The following TECRL variants were observed in gnomAD, a reference collection of about 807,000 sequenced individuals.
TECRL encodes trans-2,3-enoyl-CoA reductase like.
Under a neutral mutation model 52.8 loss-of-function variants are expected in TECRL, and 63 were observed. The ratio of observed to expected loss-of-function variants is 1.19; its 90% confidence interval spans 0.97 to 1.47. The LOEUF is 1.47. TECRL is among the 40% of genes most tolerant of loss of function. The probability of loss-of-function intolerance (pLI) is 0.00; values close to 1 mark genes in which losing one functional copy is unlikely to be tolerated. For missense variants in TECRL, 482 were observed against 429.6 expected, an observed-to-expected ratio of 1.12 and a Z score of -1.08; for synonymous variants, 164 against 141.9, an observed-to-expected ratio of 1.16 and a Z score of -1.10.
At chr4:64,307,411 G>A (rs1476443312) in intron 6 of TECRL, among the ~76,000 whole-genome samples, 1 of 152,072 alleles carries the variant, frequency 6.6e-6, no homozygotes. Flanking sequence ...GTCTGTTGTT[G>A]GAGGTCACAC....
intron 2 of TECRL, among the ~76,000 whole-genome samples, chr4:64,365,131 G>T (rs1476748990): frequency 6.7e-6 from 1 of 150,354 alleles, no homozygotes; most frequent in Non-Finnish European, 1.5e-5. Flanking sequence ...CATATAAACA[G>T]AACTAAAACC....
intron 8 of TECRL, among the ~76,000 whole-genome samples, chr4:64,294,358 T>A (rs1723562209): frequency 6.6e-6 from 1 of 152,126 alleles, no homozygotes; most frequent in South Asian, 2.1e-4. Flanking sequence ...TTAATTGAAA[T>A]GTAGACATTG....
chr4:64,366,396 A>G (rs537782127), intron 2 of TECRL, among the ~76,000 whole-genome samples: 47 of 152,312 alleles, frequency 3.1e-4, no homozygotes, highest in African/African-American at 1.1e-3. Flanking sequence ...TTGCAACAAA[A>G]GCAATGATTA....
rs1220589928 is a variant in TECRL at position 64,405,812 on chromosome 4, T to TA, written c.234+3305dup. The stretch of plus-strand genomic sequence containing the variant: ...AAAGGGAAAAGCCAACGAAGTTGGT[T>TA]AAAAAAAGTGTATATTCTCCTGGAA... On this transcript the variant is annotated intron_variant, in intron 1 of 11. Coordinates refer to ENST00000381210, the MANE Select transcript of TECRL (RefSeq NM_001010874.5). Among the ~76,000 whole-genome samples the TA allele has an allele frequency of 3.9e-5, 6 of 152,042 alleles. No individual in the cohort carries two copies. In the East Asian group the frequency reaches 9.7e-4, roughly 24 times the overall value.
At chr4:64,338,805 A>C (rs1169440137) in intron 2 of TECRL, among the ~76,000 whole-genome samples, 2 of 152,204 alleles carry the variant, frequency 1.3e-5, no homozygotes, top group African/African-American at 2.4e-5. Flanking sequence ...GAGGATGTGG[A>C]GTAATAGGAA....
intron 6 of TECRL, among the ~76,000 whole-genome samples, chr4:64,307,217 C>A (rs187733273): frequency 1.3e-5 from 2 of 152,128 alleles, no homozygotes; most frequent in Admixed American, 6.6e-5. Flanking sequence ...GGACACCCCC[C>A]CTTCATTAAT....
At chr4:64,308,023 C>T (rs1300652660) in intron 6 of TECRL, among the ~76,000 whole-genome samples, 2 of 152,262 alleles carry the variant, frequency 1.3e-5, no homozygotes, top group African/African-American at 4.8e-5. Flanking sequence ...CTCTGCCTTT[C>T]TGGAACAACA....
chr4:64,387,493 T>C (rs1034046740), intron 1 of TECRL, among the ~76,000 whole-genome samples: 7 of 152,170 alleles, frequency 4.6e-5, no homozygotes, highest in Non-Finnish European at 1.0e-4. Context: ...TCAAATTGCC[T>C]TCCAAATGGC....
At chr4:64,335,783 T>A (rs1719032046) in intron 2 of TECRL, among the ~76,000 whole-genome samples, 1 of 152,178 alleles carries the variant, frequency 6.6e-6, no homozygotes, top group African/African-American at 2.4e-5. Flanking sequence ...TAGGAGTCCT[T>A]TTTCTTATTA....
At chr4:64,404,307 T>C (rs1272083051) in intron 1 of TECRL, among the ~76,000 whole-genome samples, 2 of 151,496 alleles carry the variant, frequency 1.3e-5, no homozygotes, top group Non-Finnish European at 2.9e-5. Flanking sequence ...AATGAGATGA[T>C]ATTGGAAACA....
chr4:64,394,907 A>ATT (rs751448355), intron 1 of TECRL, among the ~76,000 whole-genome samples: 3,026 of 105,030 alleles, frequency 0.029, 101 homozygotes, highest in African/African-American at 0.085. Context: ...ATTAACAAGC[A>ATT]TTTTTTTTTT....
chr4:64,344,732 T>C (rs539350931), intron 2 of TECRL, among the ~76,000 whole-genome samples: 1 of 152,314 alleles, frequency 6.6e-6, no homozygotes, highest in East Asian at 1.9e-4. Flanking sequence ...GAGGAATTGG[T>C]AAGAGAAAAC....
At chr4:64,345,239 G>A (rs1719868499) in intron 2 of TECRL, among the ~76,000 whole-genome samples, 1 of 152,102 alleles carries the variant, frequency 6.6e-6, no homozygotes. Flanking sequence ...CTGCTATAAA[G>A]ACACATGCAC....
At chr4:64,365,178 C>T (rs1721505203) in intron 2 of TECRL, among the ~76,000 whole-genome samples, 2 of 147,940 alleles carry the variant, frequency 1.4e-5, no homozygotes, top group African/African-American at 5.0e-5. Flanking sequence ...TGCAAAAAGG[C>T]TTTTCGTTAA....
chr4:64,313,563 G>A (rs968082925), intron 5 of TECRL, among the ~76,000 whole-genome samples: 4 of 137,172 alleles, frequency 2.9e-5, no homozygotes, highest in African/African-American at 1.1e-4. Flanking sequence ...CTCACTGCAA[G>A]CTCCACCTCC....
At chr4:64,284,567 G>T (rs1722988499) in intron 9 of TECRL, among the ~76,000 whole-genome samples, 1 of 152,034 alleles carries the variant, frequency 6.6e-6, no homozygotes, top group Non-Finnish European at 1.5e-5. Flanking sequence ...GAGATGACTA[G>T]TAGTGAACGG....
intron 4 of TECRL, among the ~76,000 whole-genome samples, chr4:64,319,565 G>T (rs988749448): frequency 3.1e-4 from 47 of 151,906 alleles, no homozygotes; most frequent in African/African-American, 1.1e-3. Flanking sequence ...ACAAGGACTC[G>T]TATCTACATT....
intron 2 of TECRL, among the ~76,000 whole-genome samples, chr4:64,363,211 G>A (rs954898928): frequency 2.6e-5 from 4 of 152,100 alleles, no homozygotes; most frequent in Non-Finnish European, 5.9e-5. Context: ...GGTTTATGAA[G>A]AGACTTAGAT....
chr4:64,295,192 G>C (rs1723610547), intron 8 of TECRL, among the ~76,000 whole-genome samples: 1 of 151,314 alleles, frequency 6.6e-6, no homozygotes, highest in African/African-American at 2.4e-5. Flanking sequence ...AAAAATACAT[G>C]TACTAACCAA....
Sources: allele counts gnomAD v4.1 joint callset (sites outside exome capture counted in the v4.1 genomes callset), GRCh38; gene constraint gnomAD v4.1.1; transcripts MANE v1.5; gene names NCBI Gene and HGNC (gene_info 2026-07-23, HGNC 2026-07-21).